Variants in EIF5B observed in about 807,000 individuals in gnomAD.
EIF5B encodes eukaryotic translation initiation factor 5B.
EIF5B carries 47 observed loss-of-function variants against 147.5 expected under a neutral mutation model. The ratio of observed to expected loss-of-function variants is 0.32; its 90% CI spans 0.25 to 0.41. The LOEUF is 0.41. Ranked by LOEUF, EIF5B falls within the 10% of genes least tolerant of loss-of-function variation. EIF5B has a pLI of 1.00. For missense variants in EIF5B, 1,064 were observed against 1,413.2 expected, an observed-to-expected ratio of 0.75 and a Z score of 3.96; for synonymous variants, 455 against 456.2, an observed-to-expected ratio of 1.00 and a Z score of 0.03.
At position 99,363,571 on chromosome 2, in the gene EIF5B, G is replaced by T. The variant is rs199821157; in HGVS notation, c.920-74G>T. On this transcript the variant is annotated intron_variant, in intron 4 of 23. Transcript: ENST00000289371. ...GGCCCATTATGGTCCTTGAATTGTG[G>T]TTGGGTTTTGCTCGTCATCACCACA... The T allele has an allele frequency of 8.1e-5, 116 of 1,440,630 alleles. 2 individuals are homozygous for T. In the South Asian group the frequency reaches 1.5e-3, roughly 19 times the overall value. 89.2% of individuals were successfully genotyped at this position (1,440,630 alleles called of 1,614,324 possible).
chr2:99,349,608 C>T (rs1189937570), intron 1 of EIF5B, among the ~76,000 whole-genome samples: 2 of 152,070 alleles, frequency 1.3e-5, no homozygotes, highest in East Asian at 3.8e-4. Flanking sequence ...AAGTTGAGTA[C>T]ATGCCTGCAC....
rs1228168945 is a variant in EIF5B, at chr2:99,363,760, A to G, written c.1035A>G (p.Gln345=). 4.3e-6 allele frequency: 7 copies of G among 1,614,062 alleles called. No individual in the cohort carries two copies. The highest frequency in any genetic ancestry group is 1.1e-5 in the South Asian group (1 of 90,984). ...GPSKATVKAM[Q]EALAKLKEEE... Reference sequence around the variant, plus strand: ...GCAAAGCCACTGTTAAAGCTATGCAAGAAGCTCTGGCTAAGCTTAAAGAGG... The same window carrying G: ...GCAAAGCCACTGTTAAAGCTATGCAGGAAGCTCTGGCTAAGCTTAAAGAGG... Residue 345 remains glutamine, a synonymous_variant, in exon 5 of 24, where the codon CAA becomes CAG. Transcript: ENST00000289371.
chr2:99,371,504 AAGATAGTTCT>A, intron 8 of EIF5B, 142 bp from the exon 9 acceptor site: 1 of 540,562 alleles, frequency 1.8e-6, no homozygotes, highest in South Asian at 2.7e-5. Flanking sequence ...AAAAAAAAAA[AAGATAGTTCT>A]AAAGATAATA....
At chr2:99,345,943 CAAA>C (rs70940169) in intron 1 of EIF5B, among the ~76,000 whole-genome samples, 8 of 137,038 alleles carry the variant, frequency 5.8e-5, no homozygotes, top group Non-Finnish European at 6.2e-5. Context: ...GACCCTGTCT[CAAA>C]AAAAAAAAAA....
chr2:99,382,695 G>A (rs1449120877), intron 13 of EIF5B, 85 bp from the exon 14 acceptor site: 1 of 1,315,060 alleles, frequency 7.6e-7, no homozygotes, highest in African/African-American at 1.5e-5. Flanking sequence ...TATTTTGTTT[G>A]GGTTTTACAG....
intron 1 of EIF5B, among the ~76,000 whole-genome samples, chr2:99,358,975 C>A (rs537150987): frequency 1.3e-5 from 2 of 152,150 alleles, no homozygotes; most frequent in African/African-American, 2.4e-5. Flanking sequence ...CCCTATTAAG[C>A]GCCTTAAGGC....
At chr2:99,388,692 T>G (rs1018933565) in intron 14 of EIF5B, among the ~76,000 whole-genome samples, 2 of 152,204 alleles carry the variant, frequency 1.3e-5, no homozygotes, top group Admixed American at 6.5e-5. Flanking sequence ...TTTGTTATCC[T>G]TTTGATATAT....
At chr2:99,396,919 C>A (rs776089070) in intron 22 of EIF5B, 21 bp downstream of exon 22, 1 of 1,582,760 alleles carries the variant, frequency 6.3e-7, no homozygotes, top group South Asian at 1.2e-5. Flanking sequence ...GTTGTACATT[C>A]TGTGGGTCAT....
Position 99,390,356 on chromosome 2 carries a change from C to A in EIF5B, c.2541C>A (p.Ser847Arg), listed in dbSNP as rs1324211205. The A allele has an allele frequency of 5.0e-6, 8 of 1,613,502 alleles. No homozygotes were observed. The highest frequency in any genetic ancestry group is 6.8e-6 in the Non-Finnish European group (8 of 1,179,978). ...TAGAGTTAACTCAGACCATGTTGAG[C>A]AAGAGACTTGCACACTGTGAAGAGC... ...LLVELTQTML[S>R]KRLAHCEELR... Residue 847 changes from serine to arginine, a missense_variant, in exon 16 of 24, where the codon AGC (serine) becomes AGA (arginine). Around this residue, in one of 4 missense-constraint regions of EIF5B, gnomAD observed 380 missense variants for 715.6 expected, o/e 0.53. Coordinates refer to ENST00000289371, the MANE Select transcript of EIF5B (RefSeq NM_015904.4).
intron 6 of EIF5B, 70 bp from the exon 7 acceptor site, chr2:99,368,423 C>A: frequency 8.9e-7 from 1 of 1,120,468 alleles, no homozygotes; most frequent in African/African-American, 1.6e-5. Flanking sequence ...GAAATGCTAT[C>A]CTTTAAATAG....
At chr2:99,369,970 G>A (rs13018673) in intron 8 of EIF5B, among the ~76,000 whole-genome samples, 4 of 152,188 alleles carry the variant, frequency 2.6e-5, no homozygotes, top group South Asian at 4.2e-4. Flanking sequence ...CTGGGCAACA[G>A]AGCAACAGTC....
intron 12 of EIF5B, among the ~76,000 whole-genome samples, chr2:99,380,686 T>C (rs2104226245): frequency 6.6e-6 from 1 of 152,352 alleles, no homozygotes. Flanking sequence ...TATGTTATTA[T>C]ATGCTAATGT....
At chr2:99,367,068 T>C (rs1674342422) in intron 6 of EIF5B, among the ~76,000 whole-genome samples, 1 of 152,206 alleles carries the variant, frequency 6.6e-6, no homozygotes, top group Non-Finnish European at 1.5e-5. Flanking sequence ...ATGTAAAATA[T>C]ACAATAATAC....
intron 4 of EIF5B, among the ~76,000 whole-genome samples, chr2:99,362,907 C>T (rs769579091): frequency 3.3e-5 from 5 of 151,432 alleles, no homozygotes; most frequent in Non-Finnish European, 7.4e-5. Flanking sequence ...TACAGGAGCC[C>T]GCCACCATGC....
rs1283053177 is a variant in EIF5B at position 99,361,553 on chromosome 2, G to A, written c.652G>A (p.Asp218Asn). The A allele has an allele frequency of 6.2e-7, 1 of 1,613,584 alleles. No individual in the cohort carries two copies. Among genetic ancestry groups the A allele is most frequent in the East Asian group, 2.2e-5 (1 of 44,854 alleles). The change falls in exon 4 of 24, where the codon GAT becomes AAT. Residue 218 changes from aspartate (D) to asparagine (N), a missense_variant. Physicochemically the swap from Asp to Asn is conservative, Grantham distance 23 (BLOSUM62 1). Coordinates refer to ENST00000289371, the MANE Select transcript of EIF5B (RefSeq NM_015904.4). ...TCCTAACATAGAAAGTGGGAATGAA[G>A]ATGATGACGCCTCCTTCAAAATTAA... ...PGPNIESGNEDDDASFKIKTV... is the reference protein window; with the variant it reads ...PGPNIESGNENDDASFKIKTV...
At position 99,382,172 on chromosome 2, in the gene EIF5B, A is replaced by G. The variant is rs1574936201; in HGVS notation, c.2075A>G (p.Asn692Ser). The G allele has an allele frequency of 4.3e-6, 7 of 1,613,026 alleles. No homozygotes were observed. In the Admixed American group the frequency reaches 8.3e-5, roughly 19 times the overall value. Residue 692 changes from asparagine (N) to serine (S), a missense_variant, in exon 13 of 24, where the codon AAT becomes AGT. Asn to Ser is a conservative substitution (Grantham distance 46). Around this residue, in one of 4 missense-constraint regions of EIF5B, gnomAD observed 380 missense variants for 715.6 expected, o/e 0.53. Transcript: ENST00000289371. Reference sequence around the variant, plus strand: ...CATTGTTTCTAGTTTGATAGAGAGAATGTACGGATTCCAGGAATGCTAATT... The same window carrying G: ...CATTGTTTCTAGTTTGATAGAGAGAGTGTACGGATTCCAGGAATGCTAATT... ...TKMIKNFDRE[N>S]VRIPGMLIID...
chr2:99,398,546 T>TA (rs1675115891), intron 22 of EIF5B: 3 of 488,398 alleles, frequency 6.1e-6, no homozygotes, highest in East Asian at 3.5e-5. Flanking sequence ...CTGTCATTCT[T>TA]ACAACCATCA....
At chr2:99,383,498 C>T (rs574995884) in intron 14 of EIF5B, among the ~76,000 whole-genome samples, 4 of 152,268 alleles carry the variant, frequency 2.6e-5, no homozygotes, top group East Asian at 3.9e-4. Context: ...TCAGTCCAGC[C>T]ACAACACTCC....
intron 1 of EIF5B, chr2:99,338,501 C>T: frequency 7.4e-6 from 3 of 404,788 alleles, no homozygotes; most frequent in Admixed American, 6.1e-5. Context: ...GTTCATCAGT[C>T]TGACTCAAAA....
Sources: gnomAD v4.1 joint callset for allele counts (sites outside exome capture counted in the v4.1 genomes callset) on GRCh38, gnomAD v4.1.1 for gene constraint, gnomAD v4.1.1 regional missense constraint, MANE v1.5 for transcripts, NCBI Gene and HGNC (gene_info 2026-07-23, HGNC 2026-07-21) for gene names.